Variants in HORMAD2 observed in about 807,000 individuals in gnomAD.
HORMAD2 encodes HORMA domain containing 2, also known as HORMA domain-containing protein 2.
HORMAD2 carries 45 observed loss-of-function variants against 38.8 expected under a neutral mutation model. The ratio of observed to expected loss-of-function variants is 1.16; its 90% CI spans 0.91 to 1.49. The LOEUF (loss-of-function observed/expected upper bound fraction) is 1.49. Among genes scored for constraint, HORMAD2 ranks in the 40% most tolerant of loss-of-function variants. The probability of loss-of-function intolerance (pLI) is 0.00; values close to 1 mark genes in which losing one functional copy is unlikely to be tolerated. For synonymous variants in HORMAD2, 126 were observed against 122.8 expected, an observed-to-expected ratio of 1.03 and a Z score of -0.17; for missense variants, 338 against 367.0, an observed-to-expected ratio of 0.92 and a Z score of 0.65.
chr22:30,143,187 G>T (rs1924194367), intron 10 of HORMAD2, among the ~76,000 whole-genome samples: 1 of 152,082 alleles, frequency 6.6e-6, no homozygotes, highest in Admixed American at 6.5e-5. Flanking sequence ...ATAAAATTTA[G>T]TTTATTTAAG....
chr22:30,100,911 A>G (rs1002367452), intron 3 of HORMAD2, among the ~76,000 whole-genome samples: 2 of 152,250 alleles, frequency 1.3e-5, no homozygotes, highest in African/African-American at 4.8e-5. Context: ...TAGAACGGAA[A>G]TCACTAAAAA....
At chr22:30,146,003 C>G (rs59580785) in intron 10 of HORMAD2, among the ~76,000 whole-genome samples, 6,919 of 152,114 alleles carry the variant, frequency 0.045, 525 homozygotes, top group African/African-American at 0.16. Context: ...AAAATTGAAT[C>G]CAGCAATATA....
At chr22:30,178,595 T>C (rs1420110771), downstream of HORMAD2, among the ~76,000 whole-genome samples, 3 of 152,206 alleles carry the variant, frequency 2.0e-5, no homozygotes, top group African/African-American at 7.2e-5. Flanking sequence ...TTTTCTCTAT[T>C]CATTTTGGTT....
At chr22:30,158,165 C>T (rs1191016961) in intron 10 of HORMAD2, among the ~76,000 whole-genome samples, 1 of 151,974 alleles carries the variant, frequency 6.6e-6, no homozygotes, top group Non-Finnish European at 1.5e-5. Flanking sequence ...TCAATTCTCT[C>T]AGTGGAAATC....
chr22:30,161,758 T>C lies in HORMAD2; in HGVS notation c.820-14305T>C, dbSNP rs377432707. On this transcript the variant is annotated intron_variant, in intron 10 of 10. Coordinates refer to ENST00000336726, the MANE Select transcript of HORMAD2 (RefSeq NM_152510.4). ...TTTTACCTTTGCAAATAAAGCAAGA[T>C]TGCAAATAAAAAGATTTTTACACTA... Among the ~76,000 whole-genome samples the C allele has an allele frequency of 1.3e-4, 20 of 152,244 alleles. No homozygotes were observed. In the East Asian group the frequency reaches 3.1e-3, roughly 23 times the overall value.
intron 5 of HORMAD2, among the ~76,000 whole-genome samples, chr22:30,109,232 G>A (rs6006357): frequency 5.5e-4 from 83 of 151,920 alleles, no homozygotes; most frequent in African/African-American, 2.0e-3. Context: ...CACCATGTCG[G>A]CCATGCTGGT....
chr22:30,092,728 C>A (rs1373756752), intron 1 of HORMAD2, among the ~76,000 whole-genome samples: 1 of 152,062 alleles, frequency 6.6e-6, no homozygotes, highest in African/African-American at 2.4e-5. Flanking sequence ...TCTCCAGAAC[C>A]ATTTTTTGAC....
intron 10 of HORMAD2, among the ~76,000 whole-genome samples, chr22:30,127,472 G>A (rs1051294076): frequency 6.6e-6 from 1 of 152,106 alleles, no homozygotes; most frequent in African/African-American, 2.4e-5. Flanking sequence ...CTCCCAAAGT[G>A]CTGGGATTAC....
At chr22:30,096,852 A>G (rs567327406) in intron 2 of HORMAD2, among the ~76,000 whole-genome samples, 1 of 151,980 alleles carries the variant, frequency 6.6e-6, no homozygotes, top group Non-Finnish European at 1.5e-5. Flanking sequence ...ATGCTCTTTT[A>G]TTGTCTATTT....
chr22:30,185,384 C>T, the HORMAD2 span, among the ~76,000 whole-genome samples: 1 of 152,324 alleles, frequency 6.6e-6, no homozygotes, highest in African/African-American at 2.4e-5. Context: ...ATGAGGCCCA[C>T]AGGGAAGCTG....
intron 10 of HORMAD2, among the ~76,000 whole-genome samples, chr22:30,126,268 A>C (rs539342385): frequency 1.2e-4 from 18 of 151,870 alleles, no homozygotes; most frequent in Admixed American, 5.2e-4. Flanking sequence ...TCCTGGGTTC[A>C]CGCCATTCTC....
At chr22:30,104,826 T>G (rs1921066193) in intron 5 of HORMAD2, among the ~76,000 whole-genome samples, 1 of 152,218 alleles carries the variant, frequency 6.6e-6, no homozygotes. Context: ...TTATTCTGTC[T>G]TAGTTATTTT....
At chr22:30,206,526 A>G in the HORMAD2 span, among the ~76,000 whole-genome samples, 1 of 151,886 alleles carries the variant, frequency 6.6e-6, no homozygotes, top group African/African-American at 2.4e-5. Flanking sequence ...TTTGTTTTCC[A>G]GGTTAGGGTG....
chr22:30,190,778 A>G, the HORMAD2 span, among the ~76,000 whole-genome samples: 1 of 152,246 alleles, frequency 6.6e-6, no homozygotes, highest in Non-Finnish European at 1.5e-5. Flanking sequence ...GCAATTTCCT[A>G]GAAATCTGGA....
the HORMAD2 span, among the ~76,000 whole-genome samples, chr22:30,188,257 C>T: frequency 1.3e-5 from 2 of 152,114 alleles, no homozygotes; most frequent in African/African-American, 4.8e-5. Flanking sequence ...ACCTCAAAAA[C>T]TCTTGGGAGC....
At chr22:30,120,917 G>C (rs1922379150) in intron 8 of HORMAD2, among the ~76,000 whole-genome samples, 1 of 152,100 alleles carries the variant, frequency 6.6e-6, no homozygotes, top group Admixed American at 6.6e-5. Flanking sequence ...CTGCAGATGA[G>C]GATGGAGGTG....
the HORMAD2 span, among the ~76,000 whole-genome samples, chr22:30,189,709 G>T: frequency 1.3e-5 from 2 of 152,076 alleles, no homozygotes; most frequent in Non-Finnish European, 2.9e-5. Flanking sequence ...TTATATTTCA[G>T]TCAAAAGCTG....
chr22:30,134,551 T>C (rs1263234278), intron 10 of HORMAD2, among the ~76,000 whole-genome samples: 1 of 150,956 alleles, frequency 6.6e-6, no homozygotes, highest in African/African-American at 2.4e-5. Flanking sequence ...TTTACCATTG[T>C]CAGAAGGACT....
In HORMAD2 at chr22:30,151,750, G is replaced by GA. The variant is rs200230439; in HGVS notation, c.820-24305dup. On this transcript the variant is annotated intron_variant, in intron 10 of 10. Coordinates refer to ENST00000336726, the MANE Select transcript of HORMAD2 (RefSeq NM_152510.4). The stretch of plus-strand genomic sequence containing the variant: ...CAGAACATCACTAGTCTCAGTTTAG[G>GA]AAAAAAAATATTAATAAAAGATAGT... 4.2e-4 allele frequency among the ~76,000 whole-genome samples: 63 copies of GA among 151,682 alleles called. 1 individual carries two copies. The East Asian group carries it at 0.011, about 27-fold the overall frequency.
Sources: gnomAD v4.1 joint callset for allele counts (sites outside exome capture counted in the v4.1 genomes callset) on GRCh38, gnomAD v4.1.1 for gene constraint, MANE v1.5 for transcripts, NCBI Gene and HGNC (gene_info 2026-07-23, HGNC 2026-07-21) for gene names.